The following NGEF variants were observed in gnomAD, a reference collection of about 807,000 sequenced individuals.
NGEF encodes neuronal guanine nucleotide exchange factor, also known as ephexin-1.
In NGEF, 31 loss-of-function variants were observed where a neutral mutation model predicts 80.9. That is an observed-to-expected ratio of 0.38 (90% confidence interval 0.29 to 0.52). NGEF has a LOEUF of 0.52. Ranked by LOEUF, NGEF falls within the 20% of genes least tolerant of loss-of-function variation. The probability of loss-of-function intolerance (pLI) is 0.84; values close to 1 mark genes in which losing one functional copy is unlikely to be tolerated. For missense variants in NGEF, 709 were observed against 926.2 expected (o/e 0.77, Z 3.04); for synonymous variants, 371 against 370.2 (o/e 1.00, Z -0.03).
chr2:232,996,759 T>C (rs1433878678), intron 1 of NGEF, among the ~76,000 whole-genome samples: 1 of 152,192 alleles, frequency 6.6e-6, no homozygotes, highest in East Asian at 1.9e-4. Flanking sequence ...CCTCCCAAAG[T>C]GCTGGGATTA....
intron 5 of NGEF, among the ~76,000 whole-genome samples, chr2:232,916,075 T>C (rs988421005): frequency 2.6e-5 from 4 of 152,230 alleles, no homozygotes; most frequent in Non-Finnish European, 4.4e-5. Flanking sequence ...GAACAGCCTT[T>C]CTAATCATAA....
At position 232,964,138 on chromosome 2, in the gene NGEF, T is replaced by A. The variant is rs75703725; in HGVS notation, c.383+6076A>T. Among the ~76,000 whole-genome samples the A allele has an allele frequency of 7.7e-3, 1,173 of 152,214 alleles. 18 individuals are homozygous for A. Among genetic ancestry groups the A allele is most frequent in the African/African-American group, 0.027 (1,129 of 41,516 alleles). On this transcript the variant is annotated intron_variant, in intron 3 of 14. Transcript: ENST00000264051. ...AACTGGAACCTTGATGCCTTGCTGG[T>A]GGGAGTGTAAAACAGTACAACCATT...
Position 232,894,835 on chromosome 2 carries a change from G to T in NGEF, c.910C>A (p.Arg304=). The T allele has an allele frequency of 6.2e-7, 1 of 1,611,274 alleles. No homozygotes were observed. The change falls in exon 6 of 15, where the codon CGG becomes AGG. Residue 304 remains arginine, a synonymous_variant. Coordinates refer to ENST00000264051, the MANE Select transcript of NGEF (RefSeq NM_019850.3). ...GACGGGTGCAGGATCTTCCTTATCCGCTCGTTCTCCATGAAGTGGGACACG... is the reference window on the plus strand; with the variant it reads ...GACGGGTGCAGGATCTTCCTTATCCTCTCGTTCTCCATGAAGTGGGACACG... ...LLVSHFMENE[R]IRKILHPSEA...
At chr2:232,980,290 G>C (rs1394707516) in intron 1 of NGEF, among the ~76,000 whole-genome samples, 1 of 152,158 alleles carries the variant, frequency 6.6e-6, no homozygotes, top group African/African-American at 2.4e-5. Flanking sequence ...GTGGGGAGTT[G>C]TGGGGAGCTG....
At chr2:232,896,051 T>TACTCCTTG (rs3038710) in intron 5 of NGEF, among the ~76,000 whole-genome samples, 8 of 151,280 alleles carry the variant, frequency 5.3e-5, no homozygotes, top group African/African-American at 1.2e-4. Flanking sequence ...CACCCTCTGA[T>TACTCCTTG]ACTTAGGGCG....
chr2:232,925,583 C>T (rs754846677), intron 4 of NGEF, among the ~76,000 whole-genome samples: 1 of 152,110 alleles, frequency 6.6e-6, no homozygotes, highest in African/African-American at 2.4e-5. Flanking sequence ...CAGGTTCAGC[C>T]GTCTCCAAGA....
In NGEF at chr2:232,915,071, G is replaced by A. The variant is rs1692767187; in HGVS notation, c.828+5213C>T. 2.0e-5 allele frequency among the ~76,000 whole-genome samples: 3 copies of A among 151,378 alleles called. 1 individual carries two copies. Among genetic ancestry groups the A allele is most frequent in the South Asian group, 4.2e-4 (2 of 4,776 alleles). On this transcript the variant is annotated intron_variant, in intron 5 of 14. Transcript: ENST00000264051. ...ATCAAGGCAGGGAATTCCACCAGAC[G>A]GCTCTGCTGCAGGCCAGCCTAAGTA...
chr2:232,883,083 GCA>G (rs1215583604), intron 12 of NGEF, among the ~76,000 whole-genome samples: 10 of 142,298 alleles, frequency 7.0e-5, no homozygotes, highest in Admixed American at 1.4e-4. Context: ...ACACACACAC[GCA>G]CACACGCACA....
At chr2:232,886,133 A>AT (rs1691676773) in intron 9 of NGEF, among the ~76,000 whole-genome samples, 8 of 23,502 alleles carry the variant, frequency 3.4e-4, no homozygotes, top group Admixed American at 1.0e-3. Context: ...GTGTATATGC[A>AT]GTGTGTGCTG....
chr2:232,900,030 ACATTCACT>A lies in NGEF; in HGVS notation c.829-5122_829-5115del, dbSNP rs1349182885. Among the ~76,000 whole-genome samples the A allele has an allele frequency of 4.7e-3, 502 of 106,596 alleles. 31 individuals carry two copies. The highest frequency in any genetic ancestry group is 0.034 in the East Asian group (87 of 2,596). The allele number at this position is 106,596 out of a possible 152,430, so 69.9% of individuals were successfully genotyped here. On this transcript the variant is annotated intron_variant, in intron 5 of 14. Coordinates refer to ENST00000264051, the MANE Select transcript of NGEF (RefSeq NM_019850.3). ...CAGTCACTCATATACACGTTCACTC[ACATTCACT>A]CACACACACACGCTCTCACAGTCAC...
chr2:232,885,101 G>C, intron 10 of NGEF, 179 bp downstream of exon 10: 1 of 604,562 alleles, frequency 1.7e-6, no homozygotes, highest in Non-Finnish European at 2.9e-6. Context: ...GGTGGTGTCT[G>C]ACGCCTGGTG....
intron 5 of NGEF, among the ~76,000 whole-genome samples, chr2:232,914,720 T>C (rs1692756462): frequency 6.7e-6 from 1 of 148,664 alleles, no homozygotes; most frequent in African/African-American, 2.5e-5. Context: ...AATAATAAAA[T>C]ACAAAATAAC....
chr2:232,963,046 C>T (rs1693986165), intron 3 of NGEF, among the ~76,000 whole-genome samples: 1 of 151,710 alleles, frequency 6.6e-6, no homozygotes, highest in Non-Finnish European at 1.5e-5. Flanking sequence ...AATTGACAAA[C>T]CGATTCCAAA....
chr2:232,925,705 G>C (rs72617188), intron 4 of NGEF, among the ~76,000 whole-genome samples: 2 of 152,204 alleles, frequency 1.3e-5, no homozygotes. Context: ...CCTTTCAAGA[G>C]GGTGGAGGTC....
chr2:232,907,527 A>C (rs575765078), intron 5 of NGEF, among the ~76,000 whole-genome samples: 1 of 152,352 alleles, frequency 6.6e-6, no homozygotes, highest in South Asian at 2.1e-4. Flanking sequence ...GGTCTTTAAC[A>C]TAAAAAGACG....
At chr2:232,917,179 T>G (rs928467025) in intron 5 of NGEF, among the ~76,000 whole-genome samples, 2 of 152,244 alleles carry the variant, frequency 1.3e-5, no homozygotes, top group African/African-American at 4.8e-5. Context: ...GAAGACAAGT[T>G]GCTAAAAACC....
intron 1 of NGEF, among the ~76,000 whole-genome samples, chr2:232,984,783 C>G (rs141872710): frequency 6.6e-6 from 1 of 152,054 alleles, no homozygotes; most frequent in African/African-American, 2.4e-5. Flanking sequence ...AAAAGTTAAA[C>G]GTTTTATTTT....
chr2:232,908,963 C>T (rs1181613574), intron 5 of NGEF, among the ~76,000 whole-genome samples: 3 of 152,260 alleles, frequency 2.0e-5, no homozygotes, highest in Middle Eastern at 3.4e-3. Flanking sequence ...TGCCTTATCA[C>T]GTCCAGTGTT....
chr2:232,982,576 C>T (rs550715438), intron 1 of NGEF, among the ~76,000 whole-genome samples: 78 of 152,242 alleles, frequency 5.1e-4, no homozygotes, highest in Admixed American at 1.6e-3. Flanking sequence ...TGCAGTGGCA[C>T]GATCTCAGCT....
Sources: allele counts gnomAD v4.1 joint callset (sites outside exome capture counted in the v4.1 genomes callset), GRCh38; gene constraint gnomAD v4.1.1; transcripts MANE v1.5; gene names NCBI Gene and HGNC (gene_info 2026-07-23, HGNC 2026-07-21).